HOOK1: variants seen among roughly 807,000 people sequenced by gnomAD.
The protein encoded by HOOK1 is hook microtubule tethering protein 1, also known as protein Hook homolog 1.
HOOK1 carries 60 observed loss-of-function variants against 112.8 expected under a neutral mutation model. The observed-to-expected ratio is 0.53, with a 90% confidence interval of 0.43 to 0.66. The LOEUF is 0.66. Ranked by LOEUF, HOOK1 falls within the 30% of genes least tolerant of loss-of-function variation. The pLI is 0.00. For synonymous variants in HOOK1, 294 were observed against 283.8 expected, an observed-to-expected ratio of 1.04 and a Z score of -0.36; for missense variants, 770 against 856.0, an observed-to-expected ratio of 0.90 and a Z score of 1.25.
intron 4 of HOOK1, among the ~76,000 whole-genome samples, chr1:59,832,551 C>T (rs989144424): frequency 6.6e-6 from 1 of 152,034 alleles, no homozygotes; most frequent in African/African-American, 2.4e-5. Flanking sequence ...TTTGACATTT[C>T]TTCCCAGCGT....
At chr1:59,825,826 C>T (rs1300894230) in intron 2 of HOOK1, among the ~76,000 whole-genome samples, 4 of 152,070 alleles carry the variant, frequency 2.6e-5, no homozygotes, top group Non-Finnish European at 5.9e-5. Flanking sequence ...AGATAGATGT[C>T]CATATAAGCA....
rs1171769720 is a variant in HOOK1, at chr1:59,853,878, G to A, written c.1243-4550G>A. ...AAAATAAAAACTTTTCCTCCCCTCT[G>A]CTTTATGCTGTTACATCTTTATAGA... On this transcript the variant is annotated intron_variant, in intron 12 of 21. Transcript: ENST00000371208. Among the ~76,000 whole-genome samples the A allele has an allele frequency of 3.3e-5, 5 of 149,658 alleles. No individual in the cohort carries two copies. The East Asian group carries it at 7.9e-4, about 24-fold the overall frequency.
chr1:59,832,985 T>C (rs1364306444), intron 4 of HOOK1, among the ~76,000 whole-genome samples: 2 of 152,164 alleles, frequency 1.3e-5, no homozygotes, highest in East Asian at 1.9e-4. Context: ...CCATTAGATT[T>C]GTTGCTCATT....
In HOOK1 at chr1:59,874,157, T is replaced by C. The variant is rs190905068; in HGVS notation, c.*1192T>C. 2 of 152,270 alleles carry C rather than the reference T, an allele frequency of 1.3e-5. No homozygotes were observed. Among genetic ancestry groups the C allele is most frequent in the Admixed American group, 1.3e-4 (2 of 15,296 alleles). The allele number at this position is 152,270 out of a possible 1,614,324, so 9.4% of individuals were successfully genotyped here. A position where few individuals can be genotyped will look rare whatever the true frequency, so the allele number is the denominator to read the frequency against. On this transcript the variant is annotated 3_prime_UTR_variant, in exon 22 of 22. Transcript: ENST00000371208. The stretch of plus-strand genomic sequence containing the variant: ...TTAATTAATTATAAACTCAGTCTCT[T>C]GGTTGCACCAGCCACATTTCAGATG...
chr1:59,826,856 G>T (rs2102012022), intron 2 of HOOK1, among the ~76,000 whole-genome samples: 1 of 152,326 alleles, frequency 6.6e-6, no homozygotes, highest in East Asian at 1.9e-4. Context: ...TCTGTCTCCT[G>T]AGTTCAAGCG....
intron 16 of HOOK1, 145 bp downstream of exon 16, chr1:59,863,022 G>A (rs958856304): frequency 1.1e-5 from 5 of 455,938 alleles, no homozygotes; most frequent in Non-Finnish European, 2.0e-5. Flanking sequence ...CATAATAGAT[G>A]CAGTGATTTT....
At chr1:59,835,271 T>G in intron 5 of HOOK1, 74 bp from the exon 6 acceptor site, 1 of 796,686 alleles carries the variant, frequency 1.3e-6, no homozygotes, top group Non-Finnish European at 2.2e-6. Flanking sequence ...ATTTTTATAG[T>G]CTATTAATTT....
At chr1:59,834,586 G>C (rs754156635) in intron 5 of HOOK1, among the ~76,000 whole-genome samples, 101 of 152,218 alleles carry the variant, frequency 6.6e-4, no homozygotes, top group Non-Finnish European at 1.1e-3. Flanking sequence ...TTTGCTCATG[G>C]AAGGTTAAAA....
At chr1:59,851,822 C>T (rs1356172505) in intron 12 of HOOK1, among the ~76,000 whole-genome samples, 3 of 151,552 alleles carry the variant, frequency 2.0e-5, no homozygotes, top group African/African-American at 7.2e-5. Flanking sequence ...TTTGGATGCC[C>T]TCTACAAGGT....
In HOOK1 at chr1:59,847,034, A is replaced by C. The variant is rs778732305; in HGVS notation, c.789-11A>C. Reference sequence around the variant, plus strand: ...GGAAGTTATAAATACTTACTTTTTTATTTGTTCAAGGCTTGAAGCTGCAAA... The same window carrying C: ...GGAAGTTATAAATACTTACTTTTTTCTTTGTTCAAGGCTTGAAGCTGCAAA... On this transcript the variant is annotated splice_polypyrimidine_tract_variant and intron_variant, in intron 9 of 21. Coordinates refer to ENST00000371208, the MANE Select transcript of HOOK1 (RefSeq NM_015888.6). The C allele has an allele frequency of 1.3e-6, 2 of 1,564,868 alleles. No homozygotes were observed. The highest frequency in any genetic ancestry group is 2.4e-5 in the South Asian group (2 of 82,562).
intron 12 of HOOK1, among the ~76,000 whole-genome samples, chr1:59,856,912 G>A (rs1346570157): frequency 6.6e-6 from 1 of 152,078 alleles, no homozygotes; most frequent in Non-Finnish European, 1.5e-5. Context: ...CATGTGCACA[G>A]CCCTGTACTT....
At chr1:59,852,955 T>A (rs1230110676) in intron 12 of HOOK1, among the ~76,000 whole-genome samples, 1 of 151,982 alleles carries the variant, frequency 6.6e-6, no homozygotes, top group African/African-American at 2.4e-5. Context: ...CCTTGTGTCA[T>A]TGATTTATTT....
At chr1:59,832,495 G>T (rs1474571558) in intron 4 of HOOK1, among the ~76,000 whole-genome samples, 1 of 152,030 alleles carries the variant, frequency 6.6e-6, no homozygotes, top group Non-Finnish European at 1.5e-5. Flanking sequence ...ATACTATAAA[G>T]TAGACTTTAT....
intron 12 of HOOK1, among the ~76,000 whole-genome samples, chr1:59,852,360 G>C (rs2098407589): frequency 6.6e-6 from 1 of 151,750 alleles, no homozygotes; most frequent in South Asian, 2.1e-4. Context: ...GACTTCTTGA[G>C]CTAGTGTTAC....
At chr1:59,830,934 T>G (rs1195667290) in intron 3 of HOOK1, among the ~76,000 whole-genome samples, 1 of 151,066 alleles carries the variant, frequency 6.6e-6, no homozygotes, top group East Asian at 1.9e-4. Flanking sequence ...AGAATTTCGC[T>G]CTTACGCCCA....
At chr1:59,866,380 T>C (rs1027499239) in intron 19 of HOOK1, among the ~76,000 whole-genome samples, 1 of 152,236 alleles carries the variant, frequency 6.6e-6, no homozygotes, top group East Asian at 1.9e-4. Context: ...TTTAAATGTA[T>C]TTGAAATTGT....
rs1477715321 is a variant in HOOK1 at position 59,862,833 on chromosome 1, C to A, written c.1582C>A (p.Gln528Lys). ...ATTGCAGCAGCAGATTGAGGACCTC[C>A]AGAAATCTTTACAGGAACAAGGTTC... The part of the protein sequence containing the change: ...RELQQQIEDL[Q>K]KSLQEQGSKS... The change falls in exon 16 of 22, where the codon CAG (glutamine) becomes AAG (lysine). Residue 528 changes from glutamine to lysine, a missense_variant. Physicochemically the swap from Gln to Lys is moderately conservative, Grantham distance 53. Around this residue, in one of 3 missense-constraint regions of HOOK1, gnomAD observed 655 missense variants for 725.9 expected, o/e 0.90. Coordinates refer to ENST00000371208, the MANE Select transcript of HOOK1 (RefSeq NM_015888.6). The A allele has an allele frequency of 6.2e-7, 1 of 1,612,240 alleles. No homozygotes were observed. The highest frequency in any genetic ancestry group is 8.5e-7 in the Non-Finnish European group (1 of 1,178,452).
chr1:59,866,379 A>G (rs994530334), intron 19 of HOOK1, among the ~76,000 whole-genome samples: 1 of 152,220 alleles, frequency 6.6e-6, no homozygotes, highest in African/African-American at 2.4e-5. Context: ...TTTTAAATGT[A>G]TTTGAAATTG....
intron 1 of HOOK1, among the ~76,000 whole-genome samples, chr1:59,820,240 C>G (rs965333047): frequency 2.6e-5 from 4 of 152,224 alleles, no homozygotes; most frequent in Admixed American, 1.3e-4. Context: ...AATGTGCTAA[C>G]AGCTGTTGAG....
Sources: allele counts gnomAD v4.1 joint callset (sites outside exome capture counted in the v4.1 genomes callset), GRCh38; gene constraint gnomAD v4.1.1; regional missense constraint gnomAD v4.1.1; transcripts MANE v1.5; gene names NCBI Gene and HGNC (gene_info 2026-07-23, HGNC 2026-07-21).